SCARA5: variants seen among roughly 807,000 people sequenced by gnomAD.
The protein encoded by SCARA5 is scavenger receptor class A, member 5 (putative).
Under a neutral mutation model 46.3 loss-of-function variants are expected in SCARA5, and 45 were observed. The observed-to-expected ratio is 0.97, with a 90% CI of 0.76 to 1.24. SCARA5 has a LOEUF of 1.24. SCARA5 is among the 50% of genes most tolerant of loss of function. The pLI, the probability that SCARA5 is intolerant of heterozygous loss-of-function variation, is 0.00. For synonymous variants in SCARA5, 333 were observed against 306.5 expected, an observed-to-expected ratio of 1.09 and a Z score of -0.90; for missense variants, 680 against 689.0, an observed-to-expected ratio of 0.99 and a Z score of 0.15.
chr8:27,894,357 C>G (rs1243650093), intron 7 of SCARA5, among the ~76,000 whole-genome samples: 1 of 152,170 alleles, frequency 6.6e-6, no homozygotes, highest in Non-Finnish European at 1.5e-5. Flanking sequence ...TATTTAATAA[C>G]AGCCCTCTCC....
In SCARA5 at chr8:27,871,696, TGCAGGAA is replaced by T; in HGVS notation, c.*231_*237del. The stretch of plus-strand genomic sequence containing the variant: ...TGATCCAGTTGATCAGGGCTCCTCA[TGCAGGAA>T]CCTGGTGGAAGAGAGAGACGGGCAG... On this transcript the variant is annotated 3_prime_UTR_variant, in exon 9 of 9. Coordinates refer to ENST00000354914, the MANE Select transcript of SCARA5 (RefSeq NM_173833.6). 1.4e-6 allele frequency: 2 copies of T among 1,383,320 alleles called. No individual in the cohort carries two copies. The highest frequency in any genetic ancestry group is 1.9e-6 in the Non-Finnish European group (2 of 1,068,258). 85.7% of individuals were successfully genotyped at this position (1,383,320 alleles called of 1,614,324 possible). A position where few individuals can be genotyped will look rare whatever the true frequency, so the allele number is the denominator to read the frequency against.
At chr8:27,919,300 C>T (rs1028105394) in intron 4 of SCARA5, among the ~76,000 whole-genome samples, 8 of 146,996 alleles carry the variant, frequency 5.4e-5, no homozygotes, top group African/African-American at 2.2e-4. Context: ...ATGAGGAGGG[C>T]CCTGCAGGTG....
chr8:27,957,308 G>C (rs1278650676), intron 3 of SCARA5, among the ~76,000 whole-genome samples: 1 of 152,234 alleles, frequency 6.6e-6, no homozygotes, highest in African/African-American at 2.4e-5. Flanking sequence ...TGTGCAGTCT[G>C]TGGCACTTAC....
intron 7 of SCARA5, among the ~76,000 whole-genome samples, chr8:27,884,743 A>G (rs139660352): frequency 6.6e-6 from 1 of 152,334 alleles, no homozygotes; most frequent in East Asian, 1.9e-4. Flanking sequence ...AGTGACTGAG[A>G]GTCTATCAGA....
chr8:27,872,017 T>C lies in SCARA5; in HGVS notation c.1405A>G (p.Ile469Val), dbSNP rs755882948. The C allele has an allele frequency of 2.8e-5, 45 of 1,614,124 alleles. No homozygotes were observed. The highest frequency in any genetic ancestry group is 6.7e-5 in the Admixed American group (4 of 60,010). Residue 469 changes from isoleucine (I) to valine (V), a missense_variant, in exon 9 of 9, where the codon ATC becomes GTC. Transcript: ENST00000354914. ...CATTTGGAGAAGCTGCAGCGGAAGA[T>C]GGTTTCCTCTGTGCCCTTGCAGGCA... Reference protein sequence around the residue: ...DVACKGTEETIFRCSFSKWGV... With the variant: ...DVACKGTEETVFRCSFSKWGV...
chr8:27,978,178 C>T (rs1407240141), intron 2 of SCARA5, among the ~76,000 whole-genome samples: 1 of 149,286 alleles, frequency 6.7e-6, no homozygotes, highest in Admixed American at 6.8e-5. Context: ...AGGTGCCCAC[C>T]ACCACATCCG....
At chr8:27,953,618 C>G (rs189520761) in intron 3 of SCARA5, among the ~76,000 whole-genome samples, 1 of 152,194 alleles carries the variant, frequency 6.6e-6, no homozygotes, top group African/African-American at 2.4e-5. Flanking sequence ...GCTCTCTAGA[C>G]GGCAGTTGCT....
rs545653049 is a variant in SCARA5, at chr8:27,920,615, A to G, written c.916+956T>C. 2.0e-4 allele frequency among the ~76,000 whole-genome samples: 31 copies of G among 151,316 alleles called. No homozygotes were observed. In the South Asian group the frequency reaches 6.3e-3, roughly 31 times the overall value. On this transcript the variant is annotated intron_variant, in intron 4 of 8. Coordinates refer to ENST00000354914, the MANE Select transcript of SCARA5 (RefSeq NM_173833.6). Reference sequence around the variant, plus strand: ...GCGACAGAGCGAGACTCCATCTCAAAAAAAAAAAAACCAAAACAAAACAAA... The same window carrying G: ...GCGACAGAGCGAGACTCCATCTCAAGAAAAAAAAAACCAAAACAAAACAAA...
chr8:27,871,533 A>G lies in SCARA5; in HGVS notation c.*401T>C, dbSNP rs185154842. On this transcript the variant is annotated 3_prime_UTR_variant, in exon 9 of 9. Coordinates refer to ENST00000354914, the MANE Select transcript of SCARA5 (RefSeq NM_173833.6). ...GAGGTTTGGGAATTGTCTGAAGAGT[A>G]AATGATCTATACTACCAACCATCGC... is the stretch of plus-strand genomic sequence containing the variant. 1 of 1,017,258 alleles carries G rather than the reference A, an allele frequency of 9.8e-7. No individual in the cohort carries two copies. The highest frequency in any genetic ancestry group is 1.2e-6 in the Non-Finnish European group (1 of 849,304). 63.0% of individuals were successfully genotyped at this position (1,017,258 alleles called of 1,614,324 possible).
In SCARA5 at chr8:27,966,435, C is replaced by G; in HGVS notation, c.220G>C (p.Val74Leu). 1 of 1,611,632 alleles carries G rather than the reference C, an allele frequency of 6.2e-7. No homozygotes were observed. Among genetic ancestry groups the G allele is most frequent in the South Asian group, 1.1e-5 (1 of 90,482 alleles). The change falls in exon 3 of 9, where the codon GTG (valine) becomes CTG (leucine). Residue 74 changes from valine (V) to leucine (L), a missense_variant. This residue lies in a region of SCARA5 where 438 missense variants were observed against 384.5 expected (regional missense o/e 1.14). Transcript: ENST00000354914. ...TTACCTGCTAAGATGAAGATGCCCA[C>G]AAGAATCAGGAAGACCAGCAGGTAG... Reference protein sequence around the residue: ...GLYLLVFLILVGIFILAVSRP... With the variant: ...GLYLLVFLILLGIFILAVSRP...
chr8:27,930,410 T>G (rs1356038864), intron 3 of SCARA5, among the ~76,000 whole-genome samples: 2 of 152,136 alleles, frequency 1.3e-5, no homozygotes, highest in South Asian at 2.1e-4. Context: ...AAACTTCTTT[T>G]TTTTTTTTTG....
intron 3 of SCARA5, among the ~76,000 whole-genome samples, chr8:27,959,534 C>T (rs1017351759): frequency 2.0e-5 from 3 of 152,188 alleles, no homozygotes; most frequent in African/African-American, 7.2e-5. Context: ...AGAGCCAGCA[C>T]AGAAACCAAT....
At chr8:27,985,145 G>C (rs891282764) in intron 2 of SCARA5, among the ~76,000 whole-genome samples, 22 of 152,198 alleles carry the variant, frequency 1.4e-4, no homozygotes, top group African/African-American at 4.6e-4. Context: ...AATGATACAT[G>C]TAAATAAGGA....
intron 5 of SCARA5, among the ~76,000 whole-genome samples, chr8:27,908,112 G>C (rs2726989): frequency 1.3e-5 from 2 of 148,916 alleles, no homozygotes; most frequent in African/African-American, 4.9e-5. Flanking sequence ...GGTCAGCATC[G>C]CTTCATGCTG....
At chr8:27,937,390 G>A (rs1236053252) in intron 3 of SCARA5, among the ~76,000 whole-genome samples, 5 of 152,146 alleles carry the variant, frequency 3.3e-5, no homozygotes, top group East Asian at 3.9e-4. Flanking sequence ...GCAGGTAAGC[G>A]CTCTCCCCAG....
intron 2 of SCARA5, among the ~76,000 whole-genome samples, chr8:27,984,936 C>CATCCATTCATTCATCCATCT (rs1451971203): frequency 6.6e-6 from 1 of 151,880 alleles, no homozygotes; most frequent in African/African-American, 2.4e-5. Flanking sequence ...CCCATTCATC[C>CATCCATTCATTCATCCATCT]ATCCATTCAT....
intron 7 of SCARA5, among the ~76,000 whole-genome samples, chr8:27,902,510 C>T (rs563741636): frequency 2.0e-5 from 3 of 152,372 alleles, no homozygotes; most frequent in African/African-American, 7.2e-5. Flanking sequence ...GACCTCCTCA[C>T]TTGCTCTCTC....
intron 3 of SCARA5, among the ~76,000 whole-genome samples, chr8:27,944,487 A>G (rs1451048480): frequency 6.6e-6 from 1 of 152,174 alleles, no homozygotes; most frequent in Admixed American, 6.5e-5. Context: ...ATGGCATAAA[A>G]TGTTAACAAT....
At chr8:27,922,818 C>A (rs1035898408) in intron 3 of SCARA5, among the ~76,000 whole-genome samples, 2 of 152,140 alleles carry the variant, frequency 1.3e-5, no homozygotes, top group South Asian at 2.1e-4. Flanking sequence ...GATTGAGTCA[C>A]GAGGGCAGAG....
Sources: allele counts gnomAD v4.1 joint callset (sites outside exome capture counted in the v4.1 genomes callset), GRCh38; gene constraint gnomAD v4.1.1; regional missense constraint gnomAD v4.1.1; transcripts MANE v1.5; gene names NCBI Gene and HGNC (gene_info 2026-07-23, HGNC 2026-07-21).